Variants in ZBTB16 observed in about 807,000 individuals in gnomAD.
The protein encoded by ZBTB16 is zinc finger and BTB domain-containing protein 16.
A neutral mutation model predicts 56.8 loss-of-function variants in ZBTB16; 8 were observed. The observed-to-expected ratio is 0.14, with a 90% CI of 0.08 to 0.25. The LOEUF (loss-of-function observed/expected upper bound fraction) is 0.25. Among genes scored for constraint, ZBTB16 ranks in the 10% least tolerant of loss-of-function variants. The probability of loss-of-function intolerance (pLI) is 1.00; values close to 1 mark genes in which losing one functional copy is unlikely to be tolerated. For missense variants in ZBTB16, 625 were observed against 903.0 expected, an observed-to-expected ratio of 0.69 and a Z score of 3.95; for synonymous variants, 363 against 368.5, an observed-to-expected ratio of 0.98 and a Z score of 0.17.
intron 5 of ZBTB16, among the ~76,000 whole-genome samples, chr11:114,242,968 C>T (rs910534437): frequency 1.2e-4 from 18 of 152,052 alleles, no homozygotes; most frequent in Non-Finnish European, 2.1e-4. Context: ...GGAGGGGGTA[C>T]AAGGTAAGGA....
chr11:114,210,854 C>T (rs1943985305), intron 4 of ZBTB16: 1 of 211,374 alleles, frequency 4.7e-6, no homozygotes, highest in South Asian at 1.9e-4. Context: ...AACTCTTTCT[C>T]CTCTGAAACT....
intron 2 of ZBTB16, among the ~76,000 whole-genome samples, chr11:114,123,678 C>T (rs545723100): frequency 1.3e-5 from 2 of 152,220 alleles, no homozygotes; most frequent in Middle Eastern, 3.4e-3. Context: ...AGTCTAAATT[C>T]CCATTTCTTG....
At chr11:114,205,855 T>C (rs1943857582) in intron 4 of ZBTB16, among the ~76,000 whole-genome samples, 1 of 152,232 alleles carries the variant, frequency 6.6e-6, no homozygotes, top group African/African-American at 2.4e-5. Context: ...CTAGAGTCAC[T>C]CTGACTGCTC....
intron 2 of ZBTB16, among the ~76,000 whole-genome samples, chr11:114,075,961 C>T (rs988983004): frequency 3.3e-5 from 5 of 152,114 alleles, no homozygotes; most frequent in African/African-American, 4.8e-5. Context: ...TGTCTGACCT[C>T]ATTCTTGAGG....
intron 2 of ZBTB16, among the ~76,000 whole-genome samples, chr11:114,125,190 T>G (rs1056650783): frequency 2.0e-5 from 3 of 152,216 alleles, no homozygotes; most frequent in East Asian, 1.9e-4. Context: ...TTAACAGTAT[T>G]CCTTATTTGC....
At chr11:114,186,259 A>T (rs1029857674) in intron 3 of ZBTB16, among the ~76,000 whole-genome samples, 3 of 116,604 alleles carry the variant, frequency 2.6e-5, no homozygotes, top group Non-Finnish European at 5.4e-5. Flanking sequence ...AAGAATATGC[A>T]CAGGCCTAGC....
intron 4 of ZBTB16, among the ~76,000 whole-genome samples, chr11:114,221,368 G>A (rs188695462): frequency 2.0e-4 from 31 of 152,304 alleles, no homozygotes; most frequent in Admixed American, 1.0e-3. Context: ...TCATCCTTTG[G>A]GGAATAAGCT....
chr11:114,115,362 T>A (rs1941139602), intron 2 of ZBTB16, among the ~76,000 whole-genome samples: 1 of 127,430 alleles, frequency 7.8e-6, no homozygotes, highest in East Asian at 2.3e-4. Context: ...TTTTTTTTTT[T>A]AAACTCCCTT....
intron 4 of ZBTB16, among the ~76,000 whole-genome samples, chr11:114,208,693 TTGCACCTACCTTGCTTTCTCCC>T (rs1406573234): frequency 9.9e-5 from 15 of 152,276 alleles, no homozygotes; most frequent in African/African-American, 3.1e-4. Context: ...TTCTTTTATC[TTGCACCTACCTTGCTTTCTCCC>T]TGCACGTACC....
intron 4 of ZBTB16, among the ~76,000 whole-genome samples, chr11:114,218,585 T>TCTCATAAA (rs1944160636): frequency 6.6e-6 from 1 of 152,236 alleles, no homozygotes; most frequent in South Asian, 2.1e-4. Flanking sequence ...AAAGACTTTG[T>TCTCATAAA]GGTTGAGTTT....
chr11:114,082,679 T>G (rs180743111), intron 2 of ZBTB16, among the ~76,000 whole-genome samples: 2 of 152,058 alleles, frequency 1.3e-5, no homozygotes, highest in Non-Finnish European at 1.5e-5. Flanking sequence ...ATCTTGTACC[T>G]GGCACTCTAC....
intron 5 of ZBTB16, among the ~76,000 whole-genome samples, chr11:114,246,017 A>G (rs974551896): frequency 6.6e-6 from 1 of 152,146 alleles, no homozygotes; most frequent in African/African-American, 2.4e-5. Flanking sequence ...TCATCCCCCA[A>G]GCCCCCCACT....
chr11:114,226,176 GAGTC>G (rs1412799281), intron 4 of ZBTB16, among the ~76,000 whole-genome samples: 1 of 152,150 alleles, frequency 6.6e-6, no homozygotes, highest in Admixed American at 6.5e-5. Context: ...GTGCATGAGT[GAGTC>G]AGTAAGTGAG....
At chr11:114,179,142 G>A (rs1943187117) in intron 3 of ZBTB16, among the ~76,000 whole-genome samples, 1 of 152,190 alleles carries the variant, frequency 6.6e-6, no homozygotes, top group Non-Finnish European at 1.5e-5. Context: ...AATGGGGCTG[G>A]TTGTTTTCCT....
intron 2 of ZBTB16, among the ~76,000 whole-genome samples, chr11:114,136,330 G>T (rs1198483375): frequency 6.6e-6 from 1 of 152,180 alleles, no homozygotes; most frequent in East Asian, 1.9e-4. Flanking sequence ...CCACCCAAAA[G>T]CAACTGTGGA....
chr11:114,177,430 A>G (rs1943144578), intron 3 of ZBTB16, among the ~76,000 whole-genome samples: 1 of 152,042 alleles, frequency 6.6e-6, no homozygotes, highest in Non-Finnish European at 1.5e-5. Context: ...TTGTATTTTT[A>G]GTAGAGATGG....
chr11:114,224,857 A>G (rs1002187379), intron 4 of ZBTB16, among the ~76,000 whole-genome samples: 1 of 152,216 alleles, frequency 6.6e-6, no homozygotes, highest in Non-Finnish European at 1.5e-5. Flanking sequence ...AGACTAAAAA[A>G]TGTCTGTTGC....
chr11:114,172,989 C>T (rs576353207), intron 3 of ZBTB16, among the ~76,000 whole-genome samples: 2 of 152,270 alleles, frequency 1.3e-5, no homozygotes, highest in Admixed American at 1.3e-4. Flanking sequence ...CTGCAAATGT[C>T]AGTGCCGTAG....
chr11:114,167,197 G>A (rs956627237), intron 3 of ZBTB16, among the ~76,000 whole-genome samples: 8 of 149,920 alleles, frequency 5.3e-5, no homozygotes, highest in Non-Finnish European at 1.0e-4. Context: ...GAGGAGCCTC[G>A]GGCCATTATG....
Sources: allele counts gnomAD v4.1 joint callset (sites outside exome capture counted in the v4.1 genomes callset), GRCh38; gene constraint gnomAD v4.1.1; transcripts MANE v1.5; gene names NCBI Gene and HGNC (gene_info 2026-07-23, HGNC 2026-07-21).